Variants in INSR observed in about 807,000 individuals in gnomAD.
The protein encoded by INSR is insulin receptor.
In INSR, 67 loss-of-function variants were observed where a neutral mutation model predicts 142.6. The observed-to-expected ratio is 0.47, with a 90% CI of 0.39 to 0.58. The LOEUF is 0.58. Among genes scored for constraint, INSR ranks in the 20% least tolerant of loss-of-function variants. The pLI is 0.00. For missense variants in INSR, 1,248 were observed against 1,833.2 expected (o/e 0.68, Z 5.83); for synonymous variants, 756 against 743.1 (o/e 1.02, Z -0.28).
intron 2 of INSR, among the ~76,000 whole-genome samples, chr19:7,190,578 G>A (rs1430046666): frequency 6.6e-6 from 1 of 151,970 alleles, no homozygotes; most frequent in Non-Finnish European, 1.5e-5. Flanking sequence ...CACCACGTTG[G>A]CCAGGCTGGT....
In INSR at chr19:7,172,407, T is replaced by C. The variant is rs1419106670; in HGVS notation, c.1151A>G (p.Asn384Ser). 12 of 1,613,964 alleles carry C rather than the reference T, an allele frequency of 7.4e-6. No individual in the cohort carries two copies. Among genetic ancestry groups the C allele is most frequent in the Admixed American group, 1.7e-5 (1 of 59,970 alleles). Residue 384 changes from asparagine to serine, a missense_variant, in exon 5 of 22, where the codon AAC (asparagine) becomes AGC (serine). Transcript: ENST00000302850. ...GNNLAAELEA[N>S]LGLIEEISGY... ...TGAAATTTCTTCAATGAGGCCGAGG[T>C]TGGCTTCTAGCTCAGCTGCCAGATT... is the stretch of plus-strand genomic sequence containing the variant.
chr19:7,244,981 G>T lies in INSR; in HGVS notation c.652+22364C>A, dbSNP rs1976493178. ...GATGGAGTCTCGCTCTGTCGCCCAG[G>T]CTGGAGTGCAGTGGCATGATCTCGG... On this transcript the variant is annotated intron_variant, in intron 2 of 21. Transcript: ENST00000302850. Among the ~76,000 whole-genome samples, 5 of 146,998 alleles carry T rather than the reference G, an allele frequency of 3.4e-5. No individual in the cohort carries two copies. The Admixed American group carries it at 3.4e-4, about 10-fold the overall frequency.
chr19:7,241,717 C>T (rs1278645589), intron 2 of INSR, among the ~76,000 whole-genome samples: 1 of 152,096 alleles, frequency 6.6e-6, no homozygotes, highest in Non-Finnish European at 1.5e-5. Flanking sequence ...GTTGTCATGA[C>T]TTGGGGTTGC....
intron 2 of INSR, among the ~76,000 whole-genome samples, chr19:7,219,724 T>A (rs1462579268): frequency 6.6e-6 from 1 of 152,134 alleles, no homozygotes; most frequent in Non-Finnish European, 1.5e-5. Flanking sequence ...CTCATTTAAC[T>A]AACAAGTCAT....
At chr19:7,289,545 A>T (rs1369394002) in intron 1 of INSR, among the ~76,000 whole-genome samples, 1 of 151,292 alleles carries the variant, frequency 6.6e-6, no homozygotes, top group African/African-American at 2.4e-5. Flanking sequence ...AGCTAGGATT[A>T]CAAGGACCCG....
intron 13 of INSR, among the ~76,000 whole-genome samples, chr19:7,135,794 C>A (rs544459677): frequency 9.2e-5 from 14 of 151,970 alleles, no homozygotes; most frequent in Non-Finnish European, 1.5e-4. Flanking sequence ...CATGGTGAAA[C>A]CTCGTCTCTA....
Position 7,293,950 on chromosome 19 carries a change from C to A in INSR, c.-59G>T. The A allele has an allele frequency of 8.7e-7, 1 of 1,150,928 alleles. No individual in the cohort carries two copies. Among genetic ancestry groups the A allele is most frequent in the South Asian group, 4.3e-5 (1 of 23,054 alleles). 71.3% of individuals were successfully genotyped at this position (1,150,928 alleles called of 1,614,324 possible). On this transcript the variant is annotated 5_prime_UTR_variant, in exon 1 of 22. It removes an upstream start codon present in the reference 5' UTR. Transcript: ENST00000302850. ...GCGCGCGGCGCTGGCCCGCGGGGGT[C>A]ATGCTCCGAGGCGGCCACCCAAGAG... is the stretch of plus-strand genomic sequence containing the variant.
intron 2 of INSR, among the ~76,000 whole-genome samples, chr19:7,197,120 C>T (rs1974770190): frequency 6.6e-6 from 1 of 152,220 alleles, no homozygotes; most frequent in South Asian, 2.1e-4. Flanking sequence ...TCAGCAGCGA[C>T]GACCGCAGGA....
chr19:7,244,428 G>A (rs1976466010), intron 2 of INSR, among the ~76,000 whole-genome samples: 1 of 151,970 alleles, frequency 6.6e-6, no homozygotes, highest in Non-Finnish European at 1.5e-5. Context: ...AGCTACTCAG[G>A]AGGCTGAGGC....
At chr19:7,287,134 G>A (rs933266448) in intron 1 of INSR, among the ~76,000 whole-genome samples, 2 of 150,648 alleles carry the variant, frequency 1.3e-5, no homozygotes, top group African/African-American at 4.9e-5. Context: ...GCAGGCATGA[G>A]CCACTGCACC....
chr19:7,172,723 A>G (rs1032955922), intron 4 of INSR, among the ~76,000 whole-genome samples: 4 of 151,946 alleles, frequency 2.6e-5, no homozygotes, highest in Admixed American at 2.6e-4. Context: ...TTCCCATACC[A>G]GAGACTTCTC....
intron 3 of INSR, among the ~76,000 whole-genome samples, chr19:7,183,837 C>G (rs1400433103): frequency 6.6e-6 from 1 of 151,872 alleles, no homozygotes; most frequent in Admixed American, 6.6e-5. Context: ...GGCAGGTGGA[C>G]CACCTGAGGT....
chr19:7,136,315 G>T (rs1291225071), intron 13 of INSR, among the ~76,000 whole-genome samples: 1 of 152,124 alleles, frequency 6.6e-6, no homozygotes, highest in Non-Finnish European at 1.5e-5. Context: ...ATTCTGCAGA[G>T]TGAACAATGC....
intron 17 of INSR, chr19:7,123,230 G>T: frequency 2.0e-6 from 1 of 490,232 alleles, no homozygotes; most frequent in Non-Finnish European, 3.7e-6. Context: ...GTGCAGTGGC[G>T]TGATCTCGGC....
At chr19:7,178,139 T>C (rs1418270039) in intron 3 of INSR, among the ~76,000 whole-genome samples, 4 of 151,074 alleles carry the variant, frequency 2.6e-5, no homozygotes, top group Non-Finnish European at 5.9e-5. Context: ...AGTATGTATC[T>C]GGTCTTCATC....
At chr19:7,287,200 C>T (rs1037446280) in intron 1 of INSR, among the ~76,000 whole-genome samples, 1 of 145,636 alleles carries the variant, frequency 6.9e-6, no homozygotes, top group African/African-American at 2.5e-5. Flanking sequence ...CGCTCTGTCA[C>T]CCAGGCTAGA....
rs1402961662 is a variant in INSR, at chr19:7,293,785, G to T, written c.100+7C>A. ...CTCCCCGCCCACGCCCGCGCCCCCAGACTCACCCTCTCCGGGGTACAGGTG... is the reference window on the plus strand; with the variant it reads ...CTCCCCGCCCACGCCCGCGCCCCCATACTCACCCTCTCCGGGGTACAGGTG... On this transcript the variant is annotated splice_region_variant and intron_variant, in intron 1 of 21. Coordinates refer to ENST00000302850, the MANE Select transcript of INSR (RefSeq NM_000208.4). The T allele has an allele frequency of 2.2e-6, 3 of 1,357,506 alleles. No homozygotes were observed. The highest frequency in any genetic ancestry group is 3.5e-5 in the South Asian group (2 of 56,438). The allele number at this position is 1,357,506 out of a possible 1,614,324, so 84.1% of individuals were successfully genotyped here.
chr19:7,267,450 C>G lies in INSR; in HGVS notation c.547G>C (p.Gly183Arg). The G allele has an allele frequency of 6.2e-7, 1 of 1,614,102 alleles. No individual in the cohort carries two copies. The highest frequency in any genetic ancestry group is 8.5e-7 in the Non-Finnish European group (1 of 1,180,022). The stretch of plus-strand genomic sequence containing the variant: ...TTCGCGGTACCCGGACAGATGTCTC[C>G]ACACTCCTCGTTGTCATCTTTGTTC... Reference protein sequence around the residue: ...VLNKDDNEECGDICPGTAKGK... With the variant: ...VLNKDDNEECRDICPGTAKGK... The change falls in exon 2 of 22, where the codon GGA (glycine) becomes CGA (arginine). Residue 183 changes from glycine (G) to arginine (R), a missense_variant. By Grantham distance (125) the Gly-to-Arg change is moderately radical. Coordinates refer to ENST00000302850, the MANE Select transcript of INSR (RefSeq NM_000208.4). The surrounding 1 kb of genome is among the most constrained non-coding windows in gnomAD (Gnocchi z 6.3).
chr19:7,122,771 A>G lies in INSR; in HGVS notation c.3372T>C (p.Asn1124=). 2 of 1,614,152 alleles carry G rather than the reference A, an allele frequency of 1.2e-6. No individual in the cohort carries two copies. The highest frequency in any genetic ancestry group is 1.7e-6 in the Non-Finnish European group (2 of 1,179,990). The change falls in exon 19 of 22, where the codon AAT becomes AAC. Residue 1124 remains asparagine (N), a splice_region_variant and synonymous_variant. Coordinates refer to ENST00000302850, the MANE Select transcript of INSR (RefSeq NM_000208.4). ...GGGTAGGGGGAGGGCGGCCAGGATT[A>G]TTCTAAAACAGAAACACGGGGTTGG... The part of the protein sequence containing the change: ...YLRSLRPEAE[N]NPGRPPPTLQ...
Sources: gnomAD v4.1 joint callset for allele counts (sites outside exome capture counted in the v4.1 genomes callset) on GRCh38, gnomAD v4.1.1 for gene constraint, Gnocchi (gnomAD v3.1) non-coding constraint, MANE v1.5 for transcripts, NCBI Gene and HGNC (gene_info 2026-07-23, HGNC 2026-07-21) for gene names.